TRIM37: variants seen among roughly 807,000 people sequenced by gnomAD.
The protein encoded by TRIM37 is E3 ubiquitin-protein ligase TRIM37.
A neutral mutation model predicts 129.8 loss-of-function variants in TRIM37; 80 were observed. That is an observed-to-expected ratio of 0.62 (90% CI 0.51 to 0.74). The LOEUF is 0.74. Among genes scored for constraint, TRIM37 ranks in the 30% least tolerant of loss-of-function variants. TRIM37 has a pLI of 0.00. For synonymous variants in TRIM37, 389 were observed against 387.1 expected, an observed-to-expected ratio of 1.00 and a Z score of -0.06; for missense variants, 1,054 against 1,176.5, an observed-to-expected ratio of 0.90 and a Z score of 1.52.
chr17:58,972,007 T>C, the TRIM37 span: 18 of 844,866 alleles, frequency 2.1e-5, no homozygotes, highest in East Asian at 1.9e-4. Flanking sequence ...TTATTATATA[T>C]GTGTGAAATT....
At chr17:59,058,256 T>C (rs1370219291) in intron 12 of TRIM37, among the ~76,000 whole-genome samples, 1 of 152,218 alleles carries the variant, frequency 6.6e-6, no homozygotes, top group African/African-American at 2.4e-5. Flanking sequence ...TGGAGGCTAT[T>C]ATCCTCAGCA....
chr17:59,032,204 G>A, intron 17 of TRIM37, 114 bp from the exon 18 acceptor site: 1 of 1,165,752 alleles, frequency 8.6e-7, no homozygotes, highest in South Asian at 1.3e-5. Flanking sequence ...TATCTCTTAG[G>A]AGTTCAGGTT....
At chr17:59,099,825 CAG>C (rs2045293245) in intron 2 of TRIM37, among the ~76,000 whole-genome samples, 1 of 152,050 alleles carries the variant, frequency 6.6e-6, no homozygotes, top group South Asian at 2.1e-4. Context: ...CTTTTTGAGA[CAG>C]AGTTTCGCTC....
chr17:58,992,259 AT>A (rs2032491840), intron 24 of TRIM37, among the ~76,000 whole-genome samples: 4 of 145,162 alleles, frequency 2.8e-5, no homozygotes, highest in Non-Finnish European at 4.5e-5. Flanking sequence ...ATATATATAT[AT>A]AAATATAAAT....
intron 4 of TRIM37, among the ~76,000 whole-genome samples, chr17:59,086,204 A>G (rs1227798914): frequency 3.3e-5 from 5 of 151,802 alleles, no homozygotes; most frequent in Non-Finnish European, 5.9e-5. Flanking sequence ...TGTTTTAAGT[A>G]TTCTCTTGTT....
chr17:58,999,590 A>G, intron 23 of TRIM37, 131 bp from the exon 24 acceptor site: 1 of 754,082 alleles, frequency 1.3e-6, no homozygotes, highest in Non-Finnish European at 2.1e-6. Flanking sequence ...TGGGTTGTGA[A>G]CAAATCTCTG....
chr17:59,054,856 G>A (rs2040684997), intron 13 of TRIM37, among the ~76,000 whole-genome samples: 1 of 150,800 alleles, frequency 6.6e-6, no homozygotes, highest in South Asian at 2.1e-4. Flanking sequence ...AGTAGAGATA[G>A]GATTTCACCA....
At chr17:59,001,966 A>G (rs1234989008) in intron 22 of TRIM37, among the ~76,000 whole-genome samples, 1 of 152,178 alleles carries the variant, frequency 6.6e-6, no homozygotes, top group Non-Finnish European at 1.5e-5. Flanking sequence ...CCTGAAAGTT[A>G]TTATTTGAAA....
At chr17:59,080,712 G>C (rs1345788554) in intron 6 of TRIM37, among the ~76,000 whole-genome samples, 1 of 152,060 alleles carries the variant, frequency 6.6e-6, no homozygotes, top group African/African-American at 2.4e-5. Context: ...AATCACTTGA[G>C]CCCGGGAGGT....
intron 1 of TRIM37, chr17:59,104,630 C>T: frequency 1.6e-6 from 1 of 640,798 alleles, no homozygotes; most frequent in Non-Finnish European, 2.8e-6. Context: ...AATGCAAACA[C>T]AGACATGCAG....
chr17:58,983,839 AAAC>A (rs1297482913), intron 24 of TRIM37: 1 of 152,652 alleles, frequency 6.6e-6, no homozygotes, highest in Non-Finnish European at 1.5e-5. Context: ...AAATAAATCC[AAAC>A]AAGAGTGTAA....
chr17:58,984,290 C>CTGT (rs2031588097), intron 24 of TRIM37: 1 of 152,622 alleles, frequency 6.6e-6, no homozygotes, highest in Non-Finnish European at 1.5e-5. Context: ...CCACACTCCA[C>CTGT]TGTTGAAACA....
At chr17:59,074,376 T>C (rs1377523057) in intron 8 of TRIM37, among the ~76,000 whole-genome samples, 1 of 152,190 alleles carries the variant, frequency 6.6e-6, no homozygotes, top group Non-Finnish European at 1.5e-5. Flanking sequence ...ATTAAGGTCC[T>C]GGGGCCAATG....
At chr17:59,042,445 A>ATATATATATATATAT (rs1220676334) in intron 16 of TRIM37, among the ~76,000 whole-genome samples, 11 of 40,268 alleles carry the variant, frequency 2.7e-4, no homozygotes, top group East Asian at 1.5e-3. Context: ...AAAAAAAAAA[A>ATATATATATATATAT]AAAAATATAT....
intron 9 of TRIM37, among the ~76,000 whole-genome samples, chr17:59,065,292 T>G (rs1296131277): frequency 4.6e-5 from 7 of 152,186 alleles, no homozygotes; most frequent in African/African-American, 1.7e-4. Context: ...CCAAACTTCC[T>G]ACTCTGGAAT....
At chr17:58,985,602 C>A (rs2143936370) in intron 24 of TRIM37, among the ~76,000 whole-genome samples, 1 of 152,232 alleles carries the variant, frequency 6.6e-6, no homozygotes, top group East Asian at 1.9e-4. Flanking sequence ...GAAAGCCTCC[C>A]AAGGACTGCT....
At chr17:59,005,287 G>A (rs2034332886) in intron 22 of TRIM37, among the ~76,000 whole-genome samples, 1 of 151,878 alleles carries the variant, frequency 6.6e-6, no homozygotes, top group Non-Finnish European at 1.5e-5. Flanking sequence ...CATTACATGT[G>A]TATCTTTTTT....
At chr17:59,091,406 ATT>A in intron 2 of TRIM37, 66 bp from the exon 3 acceptor site, 1 of 492,182 alleles carries the variant, frequency 2.0e-6, no homozygotes, top group Non-Finnish European at 2.9e-6. Flanking sequence ...ATTACTTAAT[ATT>A]TTATATTTAT....
intron 22 of TRIM37, among the ~76,000 whole-genome samples, chr17:59,002,655 T>A (rs561969118): frequency 6.6e-6 from 1 of 152,288 alleles, no homozygotes; most frequent in South Asian, 2.1e-4. Flanking sequence ...AGATAAAATA[T>A]AAATGTAAAA....
Sources: allele counts gnomAD v4.1 joint callset (sites outside exome capture counted in the v4.1 genomes callset), GRCh38; gene constraint gnomAD v4.1.1; transcripts MANE v1.5; gene names NCBI Gene and HGNC (gene_info 2026-07-23, HGNC 2026-07-21).